Variants in MICAL3 observed in about 807,000 individuals in gnomAD.
MICAL3 encodes microtubule associated monooxygenase, calponin and LIM domain containing 3.
Under a neutral mutation model 207.4 loss-of-function variants are expected in MICAL3, and 62 were observed. The ratio of observed to expected loss-of-function variants is 0.30; its 90% CI spans 0.24 to 0.37. The LOEUF (loss-of-function observed/expected upper bound fraction) is 0.37. MICAL3 is among the 10% of genes least tolerant of loss of function. MICAL3 has a pLI of 1.00. For synonymous variants in MICAL3, 1,077 were observed against 1,069.3 expected (o/e 1.01, Z -0.14); for missense variants, 2,368 against 2,635.6 (o/e 0.90, Z 2.22).
chr22:17,951,949 G>C (rs1424843112), intron 1 of MICAL3, among the ~76,000 whole-genome samples: 1 of 152,076 alleles, frequency 6.6e-6, no homozygotes, highest in African/African-American at 2.4e-5. Flanking sequence ...CGCCCGCCTC[G>C]GCCTCCCAAA....
chr22:18,012,520 C>G (rs1288196709), intron 1 of MICAL3, among the ~76,000 whole-genome samples: 1 of 152,196 alleles, frequency 6.6e-6, no homozygotes, highest in Non-Finnish European at 1.5e-5. Context: ...AATTGGGCTT[C>G]TTCACGGGTG....
intron 1 of MICAL3, among the ~76,000 whole-genome samples, chr22:17,910,491 C>T (rs762114092): frequency 5.3e-5 from 8 of 152,226 alleles, no homozygotes; most frequent in Non-Finnish European, 1.2e-4. Flanking sequence ...GCAGAGCCAA[C>T]CAGCAGGCAA....
chr22:17,884,372 G>A lies in MICAL3; in HGVS notation c.2241+1506C>T, dbSNP rs749060973. On this transcript the variant is annotated intron_variant, in intron 16 of 31. Transcript: ENST00000441493. Reference sequence around the variant, plus strand: ...CTCTTGTGTCAGCTGGGACACACAGGCCAAGTGTGGGTGGGGACAGGACAT... The same window carrying A: ...CTCTTGTGTCAGCTGGGACACACAGACCAAGTGTGGGTGGGGACAGGACAT... 18 of 1,580,902 alleles carry A rather than the reference G, an allele frequency of 1.1e-5. No homozygotes were observed. In the South Asian group the frequency reaches 1.3e-4, roughly 11 times the overall value.
At chr22:17,964,863 G>T (rs1216474007) in intron 1 of MICAL3, among the ~76,000 whole-genome samples, 2 of 152,232 alleles carry the variant, frequency 1.3e-5, no homozygotes, top group Non-Finnish European at 2.9e-5. Flanking sequence ...GGTTCAGGAG[G>T]GCTGGGGGTT....
chr22:17,825,506 A>G (rs968790284), intron 22 of MICAL3, among the ~76,000 whole-genome samples: 1 of 152,074 alleles, frequency 6.6e-6, no homozygotes, highest in Non-Finnish European at 1.5e-5. Context: ...CAAGCTATCT[A>G]GAAGAGGAGC....
chr22:17,982,553 C>T (rs1935961659), intron 1 of MICAL3, among the ~76,000 whole-genome samples: 1 of 152,026 alleles, frequency 6.6e-6, no homozygotes, highest in African/African-American at 2.4e-5. Context: ...CACCTGTAAT[C>T]CCAGCTACTT....
intron 1 of MICAL3, among the ~76,000 whole-genome samples, chr22:17,998,197 G>A (rs28502425): frequency 0.049 from 6,911 of 140,462 alleles, 510 homozygotes; most frequent in African/African-American, 0.18. Flanking sequence ...CCAGCTACTT[G>A]AGAGGCTGAG....
intron 1 of MICAL3, among the ~76,000 whole-genome samples, chr22:17,916,960 G>A (rs1296682507): frequency 6.6e-6 from 1 of 151,940 alleles, no homozygotes; most frequent in Non-Finnish European, 1.5e-5. Context: ...ATGTTTCATA[G>A]GGCAAAATTC....
intron 19 of MICAL3, among the ~76,000 whole-genome samples, chr22:17,854,026 A>G (rs1272191166): frequency 6.6e-6 from 1 of 152,054 alleles, no homozygotes; most frequent in Admixed American, 6.6e-5. Flanking sequence ...CACTTTTCTG[A>G]TTCTCACCAT....
chr22:17,798,790 C>T (rs894169525), intron 29 of MICAL3, among the ~76,000 whole-genome samples: 1 of 151,410 alleles, frequency 6.6e-6, no homozygotes, highest in Non-Finnish European at 1.5e-5. Context: ...TCTCCTGCCT[C>T]AGCCTCCTGA....
At chr22:17,831,108 G>C (rs1922751885) in intron 21 of MICAL3, among the ~76,000 whole-genome samples, 1 of 152,156 alleles carries the variant, frequency 6.6e-6, no homozygotes, top group South Asian at 2.1e-4. Context: ...GAAATTAAAG[G>C]TCATGTCCTT....
chr22:17,970,715 A>C (rs1034802819), intron 1 of MICAL3, among the ~76,000 whole-genome samples: 7 of 152,172 alleles, frequency 4.6e-5, no homozygotes, highest in Admixed American at 1.3e-4. Flanking sequence ...GTTGGTGAGA[A>C]AAGGTGCTAA....
Position 17,872,027 on chromosome 22 carries a change from C to T in MICAL3, c.2242-4G>A. The T allele has an allele frequency of 6.3e-7, 1 of 1,596,038 alleles. No individual in the cohort carries two copies. The highest frequency in any genetic ancestry group is 8.5e-7 in the Non-Finnish European group (1 of 1,171,390). ...GGAACTCCTTCTTCATGGAGCCCTG[C>T]AGGAGGTGGCGGTCGGGAGGAAGGG... On this transcript the variant is annotated splice_region_variant and splice_polypyrimidine_tract_variant and intron_variant, in intron 16 of 31. Transcript: ENST00000441493.
Position 18,018,356 on chromosome 22 carries a change from C to T in MICAL3, c.-75+5925G>A, listed in dbSNP as rs145666994. 5.3e-3 allele frequency among the ~76,000 whole-genome samples: 801 copies of T among 152,262 alleles called. 8 individuals are homozygous for T. The highest frequency in any genetic ancestry group is 0.018 in the African/African-American group (766 of 41,542). The stretch of plus-strand genomic sequence containing the variant: ...TGTCGGTATTTGCTCAAGGTAACGA[C>T]TTTAAAAGTTTCTTGACCATGATTC... On this transcript the variant is annotated intron_variant, in intron 1 of 31. Coordinates refer to ENST00000441493, the MANE Select transcript of MICAL3 (RefSeq NM_015241.3).
chr22:17,803,297 G>A (rs1383125622), intron 29 of MICAL3, among the ~76,000 whole-genome samples: 2 of 152,150 alleles, frequency 1.3e-5, no homozygotes, highest in African/African-American at 4.8e-5. Context: ...CTTTGAGTTT[G>A]GTGACTCCGG....
chr22:18,017,032 G>A (rs1014757406), intron 1 of MICAL3, among the ~76,000 whole-genome samples: 1 of 152,132 alleles, frequency 6.6e-6, no homozygotes, highest in Admixed American at 6.5e-5. Flanking sequence ...TGTAGTGGGG[G>A]GAACAGAAAT....
chr22:17,849,139 T>C (rs1413132147), intron 19 of MICAL3, among the ~76,000 whole-genome samples: 1 of 152,214 alleles, frequency 6.6e-6, no homozygotes, highest in African/African-American at 2.4e-5. Context: ...GCAGCAGTGT[T>C]TGTTGAGCGA....
chr22:17,943,190 T>C (rs553944366), intron 1 of MICAL3, among the ~76,000 whole-genome samples: 1 of 152,234 alleles, frequency 6.6e-6, no homozygotes, highest in South Asian at 2.1e-4. Flanking sequence ...TAAAATGGAG[T>C]CTCGCTCTGT....
chr22:17,948,945 C>T (rs979489575), intron 1 of MICAL3, among the ~76,000 whole-genome samples: 1 of 144,448 alleles, frequency 6.9e-6, no homozygotes, highest in Non-Finnish European at 1.5e-5. Flanking sequence ...CACGGTGGGT[C>T]GTGCCTGTAA....
Sources: allele counts gnomAD v4.1 joint callset (sites outside exome capture counted in the v4.1 genomes callset), GRCh38; gene constraint gnomAD v4.1.1; transcripts MANE v1.5; gene names NCBI Gene and HGNC (gene_info 2026-07-23, HGNC 2026-07-21).